SH3RF2: variants seen among roughly 807,000 people sequenced by gnomAD.
SH3RF2 encodes the protein E3 ubiquitin-protein ligase SH3RF2.
Under a neutral mutation model 59.0 loss-of-function variants are expected in SH3RF2, and 43 were observed. That is an observed-to-expected ratio of 0.73 (90% confidence interval 0.57 to 0.94). The LOEUF (loss-of-function observed/expected upper bound fraction) is 0.94. SH3RF2 is among the 40% of genes least tolerant of loss of function. The pLI, the probability that SH3RF2 is intolerant of heterozygous loss-of-function variation, is 0.00. For synonymous variants in SH3RF2, 391 were observed against 391.5 expected, an observed-to-expected ratio of 1.00 and a Z score of 0.01; for missense variants, 930 against 940.1, an observed-to-expected ratio of 0.99 and a Z score of 0.14.
At chr5:146,040,089 A>G (rs1371750477) in intron 5 of SH3RF2, among the ~76,000 whole-genome samples, 2 of 152,242 alleles carry the variant, frequency 1.3e-5, no homozygotes, top group Non-Finnish European at 2.9e-5. Flanking sequence ...AAGACTTGGA[A>G]TGATTAACAC....
chr5:146,079,828 G>C (rs1408783321), exon 10 of SH3RF2: 1 of 152,370 alleles, frequency 6.6e-6, no homozygotes, highest in South Asian at 2.1e-4. Context: ...TGGTAGGTGA[G>C]AAGGGAAGAG....
Position 146,047,154 on chromosome 5 carries a change from C to CGTGTGTGTGTGTGTGTGTGTGT in SH3RF2, c.1060-615_1060-594dup, listed in dbSNP as rs35750777. On this transcript the variant is annotated intron_variant, in intron 5 of 9. Coordinates refer to ENST00000359120, the MANE Select transcript of SH3RF2 (RefSeq NM_152550.4). The stretch of plus-strand genomic sequence containing the variant: ...CAACTACTATAAGTCATTGGATAGG[C>CGTGTGTGTGTGTGTGTGTGTGT]GTGTGTGTGTGTGTGTGTGTGTGTT... 8.1e-3 allele frequency among the ~76,000 whole-genome samples: 1,202 copies of CGTGTGTGTGTGTGTGTGTGTGT among 148,196 alleles called. 16 individuals carry two copies. The highest frequency in any genetic ancestry group is 0.026 in the African/African-American group (1,058 of 40,228).
chr5:145,972,328 G>A (rs1759116553), intron 2 of SH3RF2, among the ~76,000 whole-genome samples: 1 of 152,168 alleles, frequency 6.6e-6, no homozygotes, highest in Non-Finnish European at 1.5e-5. Context: ...CATCAGAATA[G>A]CAAAGGCTCT....
downstream of SH3RF2, among the ~76,000 whole-genome samples, chr5:146,064,667 AAAGAAAGAAAGAAAGAAAGAAAG>A (rs1561773110): frequency 4.7e-3 from 20 of 4,290 alleles, 2 homozygotes; most frequent in African/African-American, 9.9e-3. Context: ...AGAGAAAGAG[AAAGAAAGAAAGAAAGAAAGAAAG>A]AAAGAAAGAA....
chr5:146,059,876 G>A lies in SH3RF2; in HGVS notation c.1566G>A (p.Leu522=). 6.7e-7 allele frequency: 1 copy of A among 1,488,460 alleles called. No homozygotes were observed. The highest frequency in any genetic ancestry group is 8.9e-7 in the Non-Finnish European group (1 of 1,119,044). The allele number at this position is 1,488,460 out of a possible 1,614,324, so 92.2% of individuals were successfully genotyped here. Reference sequence around the variant, plus strand: ...CCTATAATTCCCCAGATGGATCCCTGCAGAGACCCCTCCAGTCCGGGATCC... The same window carrying A: ...CCTATAATTCCCCAGATGGATCCCTACAGAGACCCCTCCAGTCCGGGATCC... ...GRSSMRKNGS[L]QRPLQSGIPT... is the part of the protein sequence containing the mutation. Residue 522 remains leucine, a synonymous_variant, in exon 9 of 10, where the codon CTG becomes CTA. Transcript: ENST00000359120.
chr5:146,025,188 C>A (rs1761483601), intron 5 of SH3RF2, among the ~76,000 whole-genome samples: 1 of 152,168 alleles, frequency 6.6e-6, no homozygotes, highest in African/African-American at 2.4e-5. Flanking sequence ...ATATTCTTAA[C>A]CTCTCTCTCT....
At chr5:146,024,453 A>G (rs1761454931) in intron 5 of SH3RF2, among the ~76,000 whole-genome samples, 1 of 152,140 alleles carries the variant, frequency 6.6e-6, no homozygotes, top group South Asian at 2.1e-4. Context: ...AGTTCTTTAC[A>G]TATTCTAGAT....
chr5:146,003,116 A>G (rs1041761877), intron 3 of SH3RF2, among the ~76,000 whole-genome samples: 7 of 152,240 alleles, frequency 4.6e-5, no homozygotes, highest in African/African-American at 1.4e-4. Context: ...GTTGAACTTG[A>G]TGAATGGTTT....
chr5:146,049,156 G>A lies in SH3RF2; in HGVS notation c.1233G>A (p.Gly411=), dbSNP rs201051050. Residue 411 remains glycine, a synonymous_variant, in exon 7 of 10, where the codon GGG becomes GGA. Coordinates refer to ENST00000359120, the MANE Select transcript of SH3RF2 (RefSeq NM_152550.4). ...LQKGEGVRVL[G]KCQDGWLRGV... ...AGGGAGAAGGCGTCAGGGTCCTGGG[G>A]AAGTGCCAGGACGGCTGGCTCAGGG... 19 of 1,614,146 alleles carry A rather than the reference G, an allele frequency of 1.2e-5. No individual in the cohort carries two copies. The Admixed American group carries it at 3.2e-4, about 27-fold the overall frequency.
chr5:145,938,983 T>C (rs1182028779), intron 2 of SH3RF2, among the ~76,000 whole-genome samples: 1 of 152,218 alleles, frequency 6.6e-6, no homozygotes, highest in Non-Finnish European at 1.5e-5. Flanking sequence ...CAGCAGGGGC[T>C]GCAATTAAAA....
chr5:146,004,635 GATA>G (rs1760562881), intron 4 of SH3RF2, among the ~76,000 whole-genome samples: 1 of 151,600 alleles, frequency 6.6e-6, no homozygotes, highest in Non-Finnish European at 1.5e-5. Context: ...TCTCTCTATG[GATA>G]ATACTATATT....
At chr5:145,968,545 T>C (rs1335724560) in intron 2 of SH3RF2, among the ~76,000 whole-genome samples, 1 of 152,112 alleles carries the variant, frequency 6.6e-6, no homozygotes, top group Non-Finnish European at 1.5e-5. Flanking sequence ...TATTCTACAA[T>C]AGATATATGA....
chr5:146,040,808 T>A (rs1384464656), intron 5 of SH3RF2, among the ~76,000 whole-genome samples: 1 of 152,064 alleles, frequency 6.6e-6, no homozygotes, highest in African/African-American at 2.4e-5. Context: ...GGCTCTGAAA[T>A]AGGCGTAGAT....
downstream of SH3RF2, among the ~76,000 whole-genome samples, chr5:146,064,851 AGAAAGAAAGAAAG>A (rs1763059281): frequency 2.0e-4 from 4 of 19,818 alleles, no homozygotes; most frequent in Admixed American, 2.8e-3. Context: ...AAAGAAAGAA[AGAAAGAAAGAAAG>A]AGAAAGAAAA....
intron 5 of SH3RF2, among the ~76,000 whole-genome samples, chr5:146,036,449 C>T (rs546090109): frequency 1.2e-4 from 19 of 152,162 alleles, no homozygotes; most frequent in East Asian, 3.9e-4. Flanking sequence ...AATCCCAGCA[C>T]TTTGGGAGGC....
intron 2 of SH3RF2, among the ~76,000 whole-genome samples, chr5:145,944,146 G>A (rs1039900310): frequency 6.6e-6 from 1 of 152,082 alleles, no homozygotes; most frequent in Admixed American, 6.5e-5. Context: ...CACTTTTTGA[G>A]TGCTGACATG....
chr5:146,073,720 G>A (rs557467186), intron 9 of SH3RF2, among the ~76,000 whole-genome samples: 15 of 151,970 alleles, frequency 9.9e-5, no homozygotes, highest in East Asian at 1.9e-4. Context: ...GTGTTGTTCC[G>A]TACAGTTGGG....
intron 2 of SH3RF2, among the ~76,000 whole-genome samples, chr5:145,965,328 T>C (rs1328296705): frequency 6.6e-6 from 1 of 152,182 alleles, no homozygotes; most frequent in Non-Finnish European, 1.5e-5. Flanking sequence ...TGTCTGATTG[T>C]GTAGGTAGTC....
Position 146,013,968 on chromosome 5 carries a change from G to A in SH3RF2, c.966G>A (p.Glu322=). The A allele has an allele frequency of 6.2e-7, 1 of 1,614,126 alleles. No individual in the cohort carries two copies. Among genetic ancestry groups the A allele is most frequent in the African/African-American group, 1.3e-5 (1 of 75,022 alleles). The change falls in exon 5 of 10, where the codon GAG becomes GAA. Residue 322 remains glutamate, a synonymous_variant. Transcript: ENST00000359120. ...CTCCTTCAGGGCGCCATATGGTAGA[G>A]ATCAGCACCCCAGTGCTCATCAGCT... ...VHSPSGRHMV[E]ISTPVLISSS...
Sources: gnomAD v4.1 joint callset for allele counts (sites outside exome capture counted in the v4.1 genomes callset) on GRCh38, gnomAD v4.1.1 for gene constraint, MANE v1.5 for transcripts, NCBI Gene and HGNC (gene_info 2026-07-23, HGNC 2026-07-21) for gene names.